The following AAK1 variants were observed in gnomAD, a reference collection of about 807,000 sequenced individuals.
AAK1 encodes AP2 associated kinase 1, also known as AP2-associated protein kinase 1.
AAK1 carries 37 observed loss-of-function variants against 116.0 expected under a neutral mutation model. The ratio of observed to expected loss-of-function variants is 0.32; its 90% confidence interval spans 0.25 to 0.42. AAK1 has a LOEUF of 0.42. Ranked by LOEUF, AAK1 falls within the 10% of genes least tolerant of loss-of-function variation. AAK1 has a pLI of 1.00. For missense variants in AAK1, 919 were observed against 1,170.6 expected, an observed-to-expected ratio of 0.79 and a Z score of 3.14; for synonymous variants, 458 against 439.9, an observed-to-expected ratio of 1.04 and a Z score of -0.51.
chr2:69,485,477 A>T (rs1417191179), intron 17 of AAK1, among the ~76,000 whole-genome samples: 1 of 152,122 alleles, frequency 6.6e-6, no homozygotes, highest in African/African-American at 2.4e-5. Flanking sequence ...CTGCCACATC[A>T]GGAATCTTCT....
intron 4 of AAK1, 57 bp from the exon 5 acceptor site, chr2:69,542,722 A>G: frequency 1.3e-6 from 2 of 1,580,304 alleles, no homozygotes; most frequent in Non-Finnish European, 1.7e-6. Flanking sequence ...CTTGTCATTT[A>G]GTCTAAGAGA....
chr2:69,517,929 C>T (rs961741251), intron 12 of AAK1, among the ~76,000 whole-genome samples: 6 of 152,220 alleles, frequency 3.9e-5, no homozygotes, highest in African/African-American at 1.4e-4. Context: ...AGTTTGAGAC[C>T]AGCCTGGGCA....
At chr2:69,500,217 C>T (rs918204887) in intron 16 of AAK1, 2 of 152,050 alleles carry the variant, frequency 1.3e-5, no homozygotes, top group African/African-American at 4.8e-5. Flanking sequence ...TTTGTACAAA[C>T]GAGAGCAAAT....
rs147922995 is a variant in AAK1, at chr2:69,641,450, A to G, written c.163+1428T>C. 1.1e-3 allele frequency among the ~76,000 whole-genome samples: 165 copies of G among 152,352 alleles called. 1 individual carries two copies. The highest frequency in any genetic ancestry group is 3.5e-3 in the African/African-American group (144 of 41,584). ...TAGCCTGCACCAAAGTCCACGGGAA[A>G]GATCCAAGGGGACAGTGACTCTGGC... On this transcript the variant is annotated intron_variant, in intron 2 of 21. Transcript: ENST00000409085.
At chr2:69,535,796 T>C (rs1441037588) in intron 5 of AAK1, among the ~76,000 whole-genome samples, 1 of 151,940 alleles carries the variant, frequency 6.6e-6, no homozygotes, top group Non-Finnish European at 1.5e-5. Flanking sequence ...CAAAGAAAGC[T>C]GAAAACATGG....
At chr2:69,631,431 A>G in intron 2 of AAK1, among the ~76,000 whole-genome samples, 1 of 152,240 alleles carries the variant, frequency 6.6e-6, no homozygotes, top group Non-Finnish European at 1.5e-5. Flanking sequence ...TTCTATAATA[A>G]TAATAGATAC....
intron 2 of AAK1, among the ~76,000 whole-genome samples, chr2:69,640,296 T>A (rs1485660501): frequency 1.3e-5 from 2 of 151,180 alleles, no homozygotes; most frequent in African/African-American, 2.5e-5. Context: ...CCTGAGAATC[T>A]CCATTTCCAA....
intron 5 of AAK1, 147 bp from the exon 6 acceptor site, chr2:69,532,309 A>C: frequency 2.0e-5 from 19 of 968,438 alleles, no homozygotes; most frequent in African/African-American, 3.3e-5. Context: ...AAGTATCTCA[A>C]CAGGGGTCAT....
At chr2:69,572,897 C>T (rs1327995568) in intron 2 of AAK1, among the ~76,000 whole-genome samples, 1 of 152,052 alleles carries the variant, frequency 6.6e-6, no homozygotes, top group Non-Finnish European at 1.5e-5. Flanking sequence ...GGAAGAGAAA[C>T]AAAACTGAGG....
chr2:69,601,230 T>G (rs1673564689), intron 2 of AAK1, among the ~76,000 whole-genome samples: 1 of 152,204 alleles, frequency 6.6e-6, no homozygotes, highest in African/African-American at 2.4e-5. Flanking sequence ...TTTTAATATT[T>G]CTTCATATGA....
intron 17 of AAK1, among the ~76,000 whole-genome samples, chr2:69,489,173 C>T (rs566499879): frequency 6.6e-6 from 1 of 151,274 alleles, no homozygotes; most frequent in East Asian, 2.0e-4. Flanking sequence ...AAAGAGAAGC[C>T]GGCTATGGGG....
intron 14 of AAK1, 146 bp from the exon 15 acceptor site, chr2:69,507,724 T>C (rs1177533241): frequency 1.3e-6 from 1 of 756,776 alleles, no homozygotes; most frequent in South Asian, 2.2e-5. Context: ...TTTTTTTTTT[T>C]GAGTCAGAGT....
In AAK1 at chr2:69,473,271, AGAG is replaced by A; in HGVS notation, c.*2595_*2597del. The A allele has an allele frequency of 1.0e-6, 1 of 970,836 alleles. No individual in the cohort carries two copies. Among genetic ancestry groups the A allele is most frequent in the African/African-American group, 1.8e-5 (1 of 57,024 alleles). The allele number at this position is 970,836 out of a possible 1,614,324, so 60.1% of individuals were successfully genotyped here. ...CTCAGGTCCCACACCTGTAAAATGA[AGAG>A]GATGGTGGACTAGAGGATGGTCTCA... On this transcript the variant is annotated 3_prime_UTR_variant, in exon 22 of 22. Coordinates refer to ENST00000409085, the MANE Select transcript of AAK1 (RefSeq NM_014911.5).
chr2:69,632,805 G>A (rs879439524), intron 2 of AAK1, among the ~76,000 whole-genome samples: 6 of 151,218 alleles, frequency 4.0e-5, no homozygotes, highest in Admixed American at 1.3e-4. Context: ...AGGCCGAGGC[G>A]AGTGGATCAC....
intron 16 of AAK1, among the ~76,000 whole-genome samples, chr2:69,500,698 T>TATACAC: frequency 0.014 from 925 of 64,954 alleles, 7 homozygotes; most frequent in Non-Finnish European, 0.016. Flanking sequence ...TATATATATA[T>TATACAC]ACACACACAC....
Position 69,467,354 on chromosome 2 carries a change from G to A in AAK1, c.*8515C>T. On this transcript the variant is annotated 3_prime_UTR_variant, in exon 22 of 22. Transcript: ENST00000409085. ...AGTCTATTTCTATCTAGGTAGAGGT[G>A]CCTCAGGGTGCTCTGGCTTTTAAAA... is the stretch of plus-strand genomic sequence containing the variant. The A allele has an allele frequency of 2.0e-6, 2 of 985,436 alleles. No homozygotes were observed. The highest frequency in any genetic ancestry group is 5.2e-4 in the Middle Eastern group (1 of 1,914). The allele number at this position is 985,436 out of a possible 1,614,324, so 61.0% of individuals were successfully genotyped here.
At chr2:69,534,292 T>G (rs1322767199) in intron 5 of AAK1, among the ~76,000 whole-genome samples, 1 of 152,178 alleles carries the variant, frequency 6.6e-6, no homozygotes, top group Non-Finnish European at 1.5e-5. Context: ...CTAGAAAGGA[T>G]AGGCAATTAT....
chr2:69,605,366 C>T (rs534446115), intron 2 of AAK1, among the ~76,000 whole-genome samples: 1 of 152,350 alleles, frequency 6.6e-6, no homozygotes, highest in East Asian at 1.9e-4. Context: ...ACAATGAAAT[C>T]ATGGTAAACT....
chr2:69,615,539 T>C (rs1475310460), intron 2 of AAK1, among the ~76,000 whole-genome samples: 1 of 152,220 alleles, frequency 6.6e-6, no homozygotes, highest in Non-Finnish European at 1.5e-5. Context: ...TCCCTCCTCC[T>C]CGCTCCTGGG....
Sources: gnomAD v4.1 joint callset for allele counts (sites outside exome capture counted in the v4.1 genomes callset) on GRCh38, gnomAD v4.1.1 for gene constraint, MANE v1.5 for transcripts, NCBI Gene and HGNC (gene_info 2026-07-23, HGNC 2026-07-21) for gene names.